The following CHST11 variants were observed in gnomAD, a reference collection of about 807,000 sequenced individuals.
The protein encoded by CHST11 is carbohydrate sulfotransferase 11, also known as C4S-1.
Under a neutral mutation model 30.4 loss-of-function variants are expected in CHST11, and 9 were observed. The observed-to-expected ratio is 0.30, with a 90% CI of 0.18 to 0.52. The LOEUF is 0.52. Among genes scored for constraint, CHST11 ranks in the 20% least tolerant of loss-of-function variants. The pLI is 0.97. For synonymous variants in CHST11, 152 were observed against 187.8 expected, an observed-to-expected ratio of 0.81 and a Z score of 1.56; for missense variants, 348 against 460.6, an observed-to-expected ratio of 0.76 and a Z score of 2.24.
chr12:104,518,966 TTTTC>T (rs200802723), intron 1 of CHST11, among the ~76,000 whole-genome samples: 1 of 118,122 alleles, frequency 8.5e-6, no homozygotes, highest in African/African-American at 4.0e-5. Context: ...CTTTTTCTTT[TTTTC>T]TTTCTTTTTT....
chr12:104,506,130 G>C (rs943166622), intron 1 of CHST11, among the ~76,000 whole-genome samples: 5 of 152,200 alleles, frequency 3.3e-5, no homozygotes, highest in Non-Finnish European at 7.3e-5. Flanking sequence ...CAAAAATCAG[G>C]TGTCTGATCT....
intron 1 of CHST11, among the ~76,000 whole-genome samples, chr12:104,477,358 A>T (rs1461078783): frequency 6.6e-6 from 1 of 152,144 alleles, no homozygotes; most frequent in African/African-American, 2.4e-5. Context: ...ATCTGACTCA[A>T]AGTGCTCTAA....
At chr12:104,575,265 TG>T (rs2038673202) in intron 1 of CHST11, among the ~76,000 whole-genome samples, 1 of 152,110 alleles carries the variant, frequency 6.6e-6, no homozygotes, top group Admixed American at 6.5e-5. Context: ...GACGGGGCTT[TG>T]TGTTTGCCCT....
rs12581471 is a variant in CHST11 at position 104,558,383 on chromosome 12, C to T, written c.119-43523C>T. Among the ~76,000 whole-genome samples the T allele has an allele frequency of 0.017, 2,597 of 152,212 alleles. 144 individuals are homozygous for T. In the East Asian group the frequency reaches 0.17, roughly 10 times the overall value. Reference sequence around the variant, plus strand: ...TTAAGGAAAAGCTGGGGAGGGAGCTCGAAGTCTCCTTATTCTCTGAATGAT... The same window carrying T: ...TTAAGGAAAAGCTGGGGAGGGAGCTTGAAGTCTCCTTATTCTCTGAATGAT... On this transcript the variant is annotated intron_variant, in intron 1 of 2. Transcript: ENST00000303694.
intron 2 of CHST11, among the ~76,000 whole-genome samples, chr12:104,637,011 A>C (rs192650127): frequency 6.6e-6 from 1 of 151,984 alleles, no homozygotes; most frequent in East Asian, 1.9e-4. Flanking sequence ...AAAAAGAAAG[A>C]CCCTTGGCTG....
chr12:104,711,143 T>C (rs1328002591), intron 2 of CHST11, among the ~76,000 whole-genome samples: 1 of 152,214 alleles, frequency 6.6e-6, no homozygotes, highest in Non-Finnish European at 1.5e-5. Flanking sequence ...AGTAAAACTG[T>C]ATTCATGCCA....
intron 2 of CHST11, among the ~76,000 whole-genome samples, chr12:104,651,393 C>G (rs888689169): frequency 6.6e-6 from 1 of 152,228 alleles, no homozygotes; most frequent in Non-Finnish European, 1.5e-5. Flanking sequence ...AACACCTACT[C>G]TGTTGGAGGT....
intron 2 of CHST11, among the ~76,000 whole-genome samples, chr12:104,672,403 T>A (rs2039705255): frequency 6.6e-6 from 1 of 152,336 alleles, no homozygotes; most frequent in African/African-American, 2.4e-5. Flanking sequence ...AAATGGAGAA[T>A]AAAGAGACCA....
intron 1 of CHST11, among the ~76,000 whole-genome samples, chr12:104,546,970 G>C (rs2038356902): frequency 6.6e-6 from 1 of 152,128 alleles, no homozygotes; most frequent in Non-Finnish European, 1.5e-5. Context: ...TGCAGTGCAG[G>C]ATTTCTGATT....
intron 2 of CHST11, among the ~76,000 whole-genome samples, chr12:104,664,260 C>T (rs2039623005): frequency 6.6e-6 from 1 of 152,164 alleles, no homozygotes; most frequent in South Asian, 2.1e-4. Context: ...AAAGCTGTTT[C>T]TCAACACAAC....
intron 1 of CHST11, among the ~76,000 whole-genome samples, chr12:104,575,103 G>GA (rs1398147035): frequency 6.6e-6 from 1 of 151,670 alleles, no homozygotes; most frequent in Non-Finnish European, 1.5e-5. Context: ...TGAGGCACAA[G>GA]AATTACTTGA....
At chr12:104,611,583 G>A (rs528432821) in intron 2 of CHST11, among the ~76,000 whole-genome samples, 22 of 152,326 alleles carry the variant, frequency 1.4e-4, no homozygotes, top group Non-Finnish European at 3.1e-4. Flanking sequence ...AGTGAATGAA[G>A]CCATTTGTTC....
intron 1 of CHST11, among the ~76,000 whole-genome samples, chr12:104,535,839 A>G (rs1023799859): frequency 2.6e-5 from 4 of 152,242 alleles, no homozygotes. Context: ...TTATGCATAG[A>G]CATATGAAAG....
At chr12:104,574,527 C>T (rs975706012) in intron 1 of CHST11, among the ~76,000 whole-genome samples, 2 of 151,826 alleles carry the variant, frequency 1.3e-5, no homozygotes, top group South Asian at 2.1e-4. Flanking sequence ...TACTATGCAG[C>T]CATAAAAAAT....
At chr12:104,480,880 G>A (rs2037615319) in intron 1 of CHST11, among the ~76,000 whole-genome samples, 1 of 152,198 alleles carries the variant, frequency 6.6e-6, no homozygotes, top group Admixed American at 6.5e-5. Context: ...CATTTCTATT[G>A]TATTAAGCCA....
chr12:104,488,861 G>T (rs1043997740), intron 1 of CHST11, among the ~76,000 whole-genome samples: 1 of 151,922 alleles, frequency 6.6e-6, no homozygotes. Context: ...TGGGTGGCTC[G>T]CAGTTCTGGA....
intron 2 of CHST11, among the ~76,000 whole-genome samples, chr12:104,625,292 A>G (rs941361216): frequency 6.7e-6 from 1 of 149,724 alleles, no homozygotes; most frequent in Non-Finnish European, 1.5e-5. Flanking sequence ...CAGAGATGCC[A>G]GTGACCATCC....
intron 2 of CHST11, among the ~76,000 whole-genome samples, chr12:104,731,090 A>G (rs1048352886): frequency 2.6e-5 from 4 of 152,084 alleles, no homozygotes; most frequent in African/African-American, 7.2e-5. Flanking sequence ...GCTCCATTTC[A>G]TCTTGTTTAT....
At chr12:104,697,069 T>C (rs910902722) in intron 2 of CHST11, among the ~76,000 whole-genome samples, 2 of 152,200 alleles carry the variant, frequency 1.3e-5, no homozygotes. Flanking sequence ...TGAATAACAT[T>C]GATCAAAGCA....
Sources: gnomAD v4.1 joint callset for allele counts (sites outside exome capture counted in the v4.1 genomes callset) on GRCh38, gnomAD v4.1.1 for gene constraint, MANE v1.5 for transcripts, NCBI Gene and HGNC (gene_info 2026-07-23, HGNC 2026-07-21) for gene names.